Variants in ASXL3 observed in about 807,000 individuals in gnomAD.
ASXL3 encodes putative Polycomb group protein ASXL3.
In ASXL3, 34 loss-of-function variants were observed where a neutral mutation model predicts 170.6. That is an observed-to-expected ratio of 0.20 (90% CI 0.15 to 0.27). ASXL3 has a LOEUF of 0.27. Ranked by LOEUF, ASXL3 falls within the 10% of genes least tolerant of loss-of-function variation. The pLI is 1.00. For synonymous variants in ASXL3, 1,002 were observed against 989.1 expected, an observed-to-expected ratio of 1.01 and a Z score of -0.24; for missense variants, 2,592 against 2,695.3, an observed-to-expected ratio of 0.96 and a Z score of 0.85.
chr18:33,592,813 T>G (rs1332720247), intron 1 of ASXL3, among the ~76,000 whole-genome samples: 1 of 152,220 alleles, frequency 6.6e-6, no homozygotes, highest in Non-Finnish European at 1.5e-5. Flanking sequence ...TGTGTTTTTT[T>G]CCTTCTCCAT....
intron 1 of ASXL3, among the ~76,000 whole-genome samples, chr18:33,598,611 T>A (rs541589751): frequency 6.6e-6 from 1 of 152,354 alleles, no homozygotes; most frequent in East Asian, 1.9e-4. Flanking sequence ...TCATCGGGCA[T>A]GATTTCTCAT....
chr18:33,629,477 C>T (rs1342821998), intron 2 of ASXL3, among the ~76,000 whole-genome samples: 1 of 151,974 alleles, frequency 6.6e-6, no homozygotes, highest in Non-Finnish European at 1.5e-5. Context: ...GTTACGTAAA[C>T]CTAGGTAGTT....
At chr18:33,652,841 A>T (rs535864791) in intron 4 of ASXL3, among the ~76,000 whole-genome samples, 3 of 151,978 alleles carry the variant, frequency 2.0e-5, no homozygotes, top group African/African-American at 7.2e-5. Flanking sequence ...GTCTTTTATC[A>T]AAAGTGAAAA....
At position 33,745,856 on chromosome 18, in the gene ASXL3, G is replaced by A; in HGVS notation, c.6008G>A (p.Gly2003Glu). 6.2e-7 allele frequency: 1 copy of A among 1,613,834 alleles called. No homozygotes were observed. Among genetic ancestry groups the A allele is most frequent in the Non-Finnish European group, 8.5e-7 (1 of 1,179,886 alleles). Residue 2003 changes from glycine to glutamate, a missense_variant, in exon 12 of 12, where the codon GGA becomes GAA. Gly to Glu is a moderately conservative substitution (Grantham distance 98). This residue lies in a region of ASXL3 where 2,246 missense variants were observed against 2,219.6 expected (regional missense o/e 1.01). Transcript: ENST00000269197. The part of the protein sequence containing the change: ...NMPMKEGDEV[G>E]GTAHTMPNKA... Reference sequence around the variant, plus strand: ...CCCATGAAAGAAGGTGATGAGGTGGGAGGCACTGCACACACAATGCCAAAC... The same window carrying A: ...CCCATGAAAGAAGGTGATGAGGTGGAAGGCACTGCACACACAATGCCAAAC...
intron 7 of ASXL3, among the ~76,000 whole-genome samples, chr18:33,682,372 C>T (rs912530599): frequency 6.6e-6 from 1 of 152,074 alleles, no homozygotes; most frequent in Non-Finnish European, 1.5e-5. Flanking sequence ...AATGGTAATT[C>T]TTCTGTCTGT....
chr18:33,743,288 C>T lies in ASXL3; in HGVS notation c.3440C>T (p.Thr1147Ile), dbSNP rs2067698132. ...EGPPNLEVSSTPETKMEGSTG... is the reference protein window; with the variant it reads ...EGPPNLEVSSIPETKMEGSTG... ...CCTCCAAACTTAGAAGTCTCTTCTA[C>T]CCCTGAAACAAAAATGGAAGGTTCG... The change falls in exon 12 of 12, where the codon ACC becomes ATC. Residue 1147 changes from threonine (T) to isoleucine (I), a missense_variant. Physicochemically the swap from Thr to Ile is moderately conservative, Grantham distance 89. This residue lies in a region of ASXL3 where 2,246 missense variants were observed against 2,219.6 expected (regional missense o/e 1.01). Coordinates refer to ENST00000269197, the MANE Select transcript of ASXL3 (RefSeq NM_030632.3). 3 of 1,613,860 alleles carry T rather than the reference C, an allele frequency of 1.9e-6. No individual in the cohort carries two copies. Among genetic ancestry groups the T allele is most frequent in the East Asian group, 2.2e-5 (1 of 44,878 alleles).
intron 2 of ASXL3, among the ~76,000 whole-genome samples, chr18:33,644,138 A>G (rs1394836927): frequency 6.6e-6 from 1 of 151,956 alleles, no homozygotes; most frequent in African/African-American, 2.4e-5. Context: ...ATACATATGT[A>G]CTTTGATATT....
chr18:33,678,886 T>C (rs1220884610), intron 7 of ASXL3, among the ~76,000 whole-genome samples: 1 of 152,204 alleles, frequency 6.6e-6, no homozygotes, highest in African/African-American at 2.4e-5. Flanking sequence ...TGTTCCAAAA[T>C]CATAAAACAC....
At chr18:33,676,222 CAAAAAAAAA>C (rs568221465) in intron 7 of ASXL3, among the ~76,000 whole-genome samples, 4 of 41,732 alleles carry the variant, frequency 9.6e-5, no homozygotes, top group South Asian at 1.2e-3. Flanking sequence ...GACTCCGTCT[CAAAAAAAAA>C]AAAAAAAAAA....
intron 8 of ASXL3, among the ~76,000 whole-genome samples, chr18:33,710,801 A>C (rs2067046848): frequency 6.6e-6 from 1 of 152,178 alleles, no homozygotes. Context: ...ACATATAGTT[A>C]AAATATATGC....
At position 33,743,818 on chromosome 18, in the gene ASXL3, C is replaced by A. The variant is rs779242111; in HGVS notation, c.3970C>A (p.Leu1324Ile). Residue 1324 changes from leucine to isoleucine, a missense_variant, in exon 12 of 12, where the codon CTA becomes ATA. By Grantham distance (5) the Leu-to-Ile change is conservative. Coordinates refer to ENST00000269197, the MANE Select transcript of ASXL3 (RefSeq NM_030632.3). Reference sequence around the variant, plus strand: ...AAGCTCCATGGATGATAAGCAGTTACTAATATCAAGCAGCAGTGCTAGTAA... The same window carrying A: ...AAGCTCCATGGATGATAAGCAGTTAATAATATCAAGCAGCAGTGCTAGTAA... ...ISSSMDDKQL[L>I]ISSSSASNLV... 23 of 1,614,040 alleles carry A rather than the reference C, an allele frequency of 1.4e-5. No homozygotes were observed. In the Middle Eastern group the frequency reaches 1.6e-3, roughly 116 times the overall value.
rs2067866149 is a variant in ASXL3, at chr18:33,750,408, T to G, written c.*3813T>G. On this transcript the variant is annotated 3_prime_UTR_variant, in exon 12 of 12. Transcript: ENST00000269197. ...AATTTAGACTGTAGAAAAACTTTGT[T>G]GTATTTGTACTGTTCTTGAATGTTT... 2 of 152,258 alleles carry G rather than the reference T, an allele frequency of 1.3e-5. No homozygotes were observed. Among genetic ancestry groups the G allele is most frequent in the Admixed American group, 6.5e-5 (1 of 15,280 alleles). The allele number at this position is 152,258 out of a possible 1,614,324, so 9.4% of individuals were successfully genotyped here. A position where few individuals can be genotyped will look rare whatever the true frequency, so the allele number is the denominator to read the frequency against.
chr18:33,613,748 C>G (rs1256904533), intron 2 of ASXL3, among the ~76,000 whole-genome samples: 2 of 151,954 alleles, frequency 1.3e-5, no homozygotes, highest in Non-Finnish European at 2.9e-5. Context: ...AGAAACAGAC[C>G]CTGTTTCTAT....
intron 2 of ASXL3, among the ~76,000 whole-genome samples, chr18:33,635,358 C>A (rs1003981550): frequency 2.0e-5 from 3 of 152,128 alleles, no homozygotes; most frequent in African/African-American, 7.2e-5. Flanking sequence ...TCAACATGAC[C>A]AGGCAATACG....
At chr18:33,664,332 T>G (rs991265421) in intron 5 of ASXL3, among the ~76,000 whole-genome samples, 1 of 152,294 alleles carries the variant, frequency 6.6e-6, no homozygotes, top group Admixed American at 6.5e-5. Context: ...TATAGACGAA[T>G]TTTTGATGCT....
chr18:33,690,221 A>C (rs1183396958), intron 8 of ASXL3: 1 of 152,100 alleles, frequency 6.6e-6, no homozygotes, highest in Non-Finnish European at 1.5e-5. Flanking sequence ...CTGATCTTAT[A>C]GTATACTTTC....
At chr18:33,617,760 A>G (rs1241751437) in intron 2 of ASXL3, among the ~76,000 whole-genome samples, 2 of 152,192 alleles carry the variant, frequency 1.3e-5, no homozygotes, top group Non-Finnish European at 2.9e-5. Flanking sequence ...AGATCTAGGT[A>G]TAATTTACTC....
intron 5 of ASXL3, among the ~76,000 whole-genome samples, chr18:33,665,354 A>G (rs2066240933): frequency 6.6e-6 from 1 of 152,230 alleles, no homozygotes; most frequent in Non-Finnish European, 1.5e-5. Context: ...TGTTTGACCA[A>G]TACTGTGAAA....
chr18:33,662,072 A>G (rs887093309), intron 5 of ASXL3, among the ~76,000 whole-genome samples: 6 of 152,166 alleles, frequency 3.9e-5, no homozygotes, highest in South Asian at 4.1e-4. Flanking sequence ...AATAACATCT[A>G]TGTTTTTTGT....
Sources: allele counts gnomAD v4.1 joint callset (sites outside exome capture counted in the v4.1 genomes callset), GRCh38; gene constraint gnomAD v4.1.1; regional missense constraint gnomAD v4.1.1; transcripts MANE v1.5; gene names NCBI Gene and HGNC (gene_info 2026-07-23, HGNC 2026-07-21).